MBTD1: variants seen among roughly 807,000 people sequenced by gnomAD.
The protein encoded by MBTD1 is mbt domain containing 1, also known as MBT domain-containing protein 1.
In MBTD1, 24 loss-of-function variants were observed where a neutral mutation model predicts 87.8. The observed-to-expected ratio is 0.27, with a 90% CI of 0.20 to 0.38. The LOEUF (loss-of-function observed/expected upper bound fraction) is 0.38. Ranked by LOEUF, MBTD1 falls within the 10% of genes least tolerant of loss-of-function variation. MBTD1 has a pLI of 1.00. For missense variants in MBTD1, 436 were observed against 760.2 expected (o/e 0.57, Z 5.02); for synonymous variants, 237 against 248.6 (o/e 0.95, Z 0.44).
chr17:51,209,788 A>G lies in MBTD1; in HGVS notation c.487-2783T>C, dbSNP rs185257528. Among the ~76,000 whole-genome samples, 680 of 152,316 alleles carry G rather than the reference A, an allele frequency of 4.5e-3. 8 individuals carry two copies. Among genetic ancestry groups the G allele is most frequent in the African/African-American group, 0.015 (634 of 41,582 alleles). ...AACCAAGAAGGAATAATTTATCCCA[A>G]TGAGATGGCAAATGTACAAAAAGCC... On this transcript the variant is annotated intron_variant, in intron 6 of 16. Coordinates refer to ENST00000586178, the MANE Select transcript of MBTD1 (RefSeq NM_017643.3).
At chr17:51,186,494 G>A (rs1043432881) in intron 16 of MBTD1, 14 of 152,258 alleles carry the variant, frequency 9.2e-5, no homozygotes, top group African/African-American at 2.9e-4. Context: ...AAGAACAGCT[G>A]GGCCGGCCGC....
chr17:51,236,687 C>T (rs2053857223), intron 2 of MBTD1, among the ~76,000 whole-genome samples: 1 of 152,050 alleles, frequency 6.6e-6, no homozygotes, highest in African/African-American at 2.4e-5. Flanking sequence ...GGCCTACCTC[C>T]ATCACCTCTC....
chr17:51,192,714 A>T (rs984293130), intron 15 of MBTD1, 68 bp downstream of exon 15: 1 of 1,590,078 alleles, frequency 6.3e-7, no homozygotes, highest in Non-Finnish European at 8.6e-7. Flanking sequence ...AAGATGACTT[A>T]TGTGAGATAG....
At chr17:51,259,612 G>A (rs1461990906) in intron 1 of MBTD1, among the ~76,000 whole-genome samples, 1 of 151,630 alleles carries the variant, frequency 6.6e-6, no homozygotes, top group Non-Finnish European at 1.5e-5. Context: ...TGGAGGAGAT[G>A]GAGAGAACCC....
At chr17:51,217,591 A>G (rs2052642215) in intron 5 of MBTD1, among the ~76,000 whole-genome samples, 175 bp from the exon 6 acceptor site, 1 of 152,258 alleles carries the variant, frequency 6.6e-6, no homozygotes, top group East Asian at 1.9e-4. Flanking sequence ...GGCTTATATC[A>G]TATTTGCAAA....
At chr17:51,254,913 T>C (rs1302790182) in intron 2 of MBTD1, among the ~76,000 whole-genome samples, 2 of 152,166 alleles carry the variant, frequency 1.3e-5, no homozygotes, top group African/African-American at 2.4e-5. Context: ...ACCCCAATAA[T>C]AGAATTCATA....
intron 16 of MBTD1, chr17:51,185,924 A>G (rs928130239): frequency 6.5e-6 from 1 of 152,676 alleles, no homozygotes; most frequent in Admixed American, 6.5e-5. Flanking sequence ...AAAAAATTCA[A>G]TGAGTCAGCA....
chr17:51,259,819 C>G lies in MBTD1; in HGVS notation c.-113+16G>C, dbSNP rs1598465252. The G allele has an allele frequency of 1.6e-6, 2 of 1,232,382 alleles. No homozygotes were observed. The highest frequency in any genetic ancestry group is 4.1e-5 in the South Asian group (1 of 24,326). 76.3% of individuals were successfully genotyped at this position (1,232,382 alleles called of 1,614,324 possible). On this transcript the variant is annotated intron_variant, in intron 1 of 16. Transcript: ENST00000586178. ...CCCACCTGGCACACAAAGCGGCTGCCGCGCTCGGCTCTCACCAGATCCTTT... is the reference window on the plus strand; with the variant it reads ...CCCACCTGGCACACAAAGCGGCTGCGGCGCTCGGCTCTCACCAGATCCTTT...
rs2050193942 is a variant in MBTD1, at chr17:51,179,378, T to A, written c.*1198A>T. On this transcript the variant is annotated 3_prime_UTR_variant, in exon 17 of 17. Coordinates refer to ENST00000586178, the MANE Select transcript of MBTD1 (RefSeq NM_017643.3). ...TTCACCAGTTTACCCTTGTATCCTT[T>A]TTTTTTTTTTAAAAGGAAGTCATAT... The A allele has an allele frequency of 6.8e-6, 1 of 148,058 alleles. No homozygotes were observed. Among genetic ancestry groups the A allele is most frequent in the East Asian group, 2.0e-4 (1 of 5,124 alleles). 9.2% of individuals were successfully genotyped at this position (148,058 alleles called of 1,614,324 possible).
At chr17:51,220,944 T>G (rs1221584743) in intron 3 of MBTD1, among the ~76,000 whole-genome samples, 6 of 152,090 alleles carry the variant, frequency 3.9e-5, no homozygotes, top group Non-Finnish European at 5.9e-5. Flanking sequence ...CTAAGAGCTG[T>G]ATGAGGATTC....
At chr17:51,193,919 C>A (rs1248321497) in intron 13 of MBTD1, among the ~76,000 whole-genome samples, 1 of 152,232 alleles carries the variant, frequency 6.6e-6, no homozygotes, top group Non-Finnish European at 1.5e-5. Flanking sequence ...CTGCACCTGG[C>A]CTATATGATT....
At position 51,233,883 on chromosome 17, in the gene MBTD1, A is replaced by T. The variant is rs557576465; in HGVS notation, c.-48-8674T>A. Among the ~76,000 whole-genome samples, 3 of 152,182 alleles carry T rather than the reference A, an allele frequency of 2.0e-5. 1 individual carries two copies. Among genetic ancestry groups the T allele is most frequent in the Non-Finnish European group, 4.4e-5 (3 of 68,048 alleles). Reference sequence around the variant, plus strand: ...TATCAGTGGACTTCTCAACAGCAAGACTGATCAATGTATTGCCTTCAGATT... The same window carrying T: ...TATCAGTGGACTTCTCAACAGCAAGTCTGATCAATGTATTGCCTTCAGATT... On this transcript the variant is annotated intron_variant, in intron 2 of 16. Coordinates refer to ENST00000586178, the MANE Select transcript of MBTD1 (RefSeq NM_017643.3).
Position 51,179,405 on chromosome 17 carries a change from A to G in MBTD1, c.*1171T>C, listed in dbSNP as rs2050194548. 1 of 145,132 alleles carries G rather than the reference A, an allele frequency of 6.9e-6. No individual in the cohort carries two copies. The highest frequency in any genetic ancestry group is 1.5e-5 in the Non-Finnish European group (1 of 66,440). 9.0% of individuals were successfully genotyped at this position (145,132 alleles called of 1,614,324 possible). A position where few individuals can be genotyped will look rare whatever the true frequency, so the allele number is the denominator to read the frequency against. ...TTTTTTTTTAAAAGGAAGTCATATG[A>G]ATTTTAAAACAGGGAATGTTCAAAA... On this transcript the variant is annotated 3_prime_UTR_variant, in exon 17 of 17. Transcript: ENST00000586178.
intron 2 of MBTD1, among the ~76,000 whole-genome samples, chr17:51,237,295 CA>C (rs368805446): frequency 0.031 from 1,870 of 60,468 alleles, 16 homozygotes; most frequent in African/African-American, 0.091. Context: ...GACTCCATCT[CA>C]AAAAAAAAAA....
At chr17:51,193,555 C>T (rs1336710875) in intron 13 of MBTD1, 45 bp from the exon 14 acceptor site, 14 of 1,043,442 alleles carry the variant, frequency 1.3e-5, no homozygotes, top group Non-Finnish European at 1.9e-5. Context: ...TTAAAATTAG[C>T]ATAATATTAA....
chr17:51,240,350 C>A (rs983774875), intron 2 of MBTD1, among the ~76,000 whole-genome samples: 4 of 152,208 alleles, frequency 2.6e-5, no homozygotes, highest in African/African-American at 7.2e-5. Context: ...TTCCAAGATC[C>A]CACAGTACAT....
intron 2 of MBTD1, among the ~76,000 whole-genome samples, chr17:51,234,179 C>A (rs1021653485): frequency 6.6e-6 from 1 of 151,734 alleles, no homozygotes; most frequent in Non-Finnish European, 1.5e-5. Context: ...CACCTGAGGT[C>A]GTCAGGAGTT....
At chr17:51,235,271 G>C (rs1386026263) in intron 2 of MBTD1, among the ~76,000 whole-genome samples, 4 of 152,052 alleles carry the variant, frequency 2.6e-5, no homozygotes. Flanking sequence ...GAGTAGCTGG[G>C]ATTACAGGCA....
rs773591567 is a variant in MBTD1 at position 51,203,755 on chromosome 17, T to TA, written c.739+35dup. ...GTAAAATAGCATTAAAGTACACATA[T>TA]AAAAAAATTACGGTAAGGGTAAATA... On this transcript the variant is annotated intron_variant, in intron 8 of 16. Transcript: ENST00000586178. 7.6e-6 allele frequency: 12 copies of TA among 1,584,054 alleles called. No homozygotes were observed. The South Asian group carries it at 1.1e-4, about 15-fold the overall frequency.
Sources: gnomAD v4.1 joint callset for allele counts (sites outside exome capture counted in the v4.1 genomes callset) on GRCh38, gnomAD v4.1.1 for gene constraint, MANE v1.5 for transcripts, NCBI Gene and HGNC (gene_info 2026-07-23, HGNC 2026-07-21) for gene names.